The following CTSD variants were observed in gnomAD, a reference collection of about 807,000 sequenced individuals.
The protein encoded by CTSD is cathepsin D, also known as ceroid-lipofuscinosis, neuronal 10.
In CTSD, 28 loss-of-function variants were observed where a neutral mutation model predicts 43.6. The ratio of observed to expected loss-of-function variants is 0.64; its 90% CI spans 0.48 to 0.88. The LOEUF (loss-of-function observed/expected upper bound fraction) is 0.88. Among genes scored for constraint, CTSD ranks in the 40% least tolerant of loss-of-function variants. The probability of loss-of-function intolerance (pLI) is 0.00; values close to 1 mark genes in which losing one functional copy is unlikely to be tolerated. For missense variants in CTSD, 485 were observed against 555.2 expected (o/e 0.87, Z 1.27); for synonymous variants, 270 against 249.8 (o/e 1.08, Z -0.76).
chr11:1,755,403 G>T, intron 5 of CTSD: 1 of 351,980 alleles, frequency 2.8e-6, no homozygotes, highest in East Asian at 7.2e-5. Flanking sequence ...ACCAAAGAAG[G>T]CTTCCAGGAG....
At chr11:1,754,531 GGA>G (rs1845780066) in intron 6 of CTSD, among the ~76,000 whole-genome samples, 1 of 43,232 alleles carries the variant, frequency 2.3e-5, no homozygotes. Flanking sequence ...TGGAGGGGAT[GGA>G]GGGATGGAGG....
chr11:1,763,763 T>A (rs771627438), intron 1 of CTSD, 29 bp downstream of exon 1: 1 of 1,519,046 alleles, frequency 6.6e-7, no homozygotes, highest in South Asian at 1.2e-5. Context: ...CCCCTGCCCG[T>A]CCCTGAGCCC....
At chr11:1,756,393 G>A (rs1790458357) in intron 5 of CTSD, among the ~76,000 whole-genome samples, 5 of 152,340 alleles carry the variant, frequency 3.3e-5, no homozygotes, top group Admixed American at 3.3e-4. Context: ...TCACTGCCCA[G>A]GCAAGGGGCA....
In CTSD at chr11:1,759,589, T is replaced by A. The variant is rs1565022371; in HGVS notation, c.279A>T (p.Thr93=). ...IGIGTPPQCF[T]VVFDTGSSNL... ...TGGAGGAGCCCGTGTCGAAGACGAC[T>A]GTGAAGCACTGGGGGGGCGTCCCGA... Residue 93 remains threonine, a synonymous_variant, in exon 3 of 9, where the codon ACA becomes ACT. Transcript: ENST00000236671. 6.2e-7 allele frequency: 1 copy of A among 1,613,566 alleles called. No individual in the cohort carries two copies. Among genetic ancestry groups the A allele is most frequent in the Non-Finnish European group, 8.5e-7 (1 of 1,179,978 alleles).
At position 1,754,065 on chromosome 11, in the gene CTSD, T is replaced by C. The variant is rs950725235; in HGVS notation, c.901A>G (p.Met301Val). 3.7e-6 allele frequency: 6 copies of C among 1,603,916 alleles called. No individual in the cohort carries two copies. In the African/African-American group the frequency reaches 8.1e-5, roughly 22 times the overall value. The change falls in exon 7 of 9, where the codon ATG becomes GTG. Residue 301 changes from methionine to valine, a missense_variant. Coordinates refer to ENST00000236671, the MANE Select transcript of CTSD (RefSeq NM_001909.5). The part of the protein sequence containing the change: ...EAIVDTGTSL[M>V]VGPVDEVREL... ...CGCACCTCATCCACCGGGCCCACCA[T>C]GAGGGAAGTGCCTGTGTCCACAATG...
At chr11:1,756,717 T>C (rs1229573659) in intron 5 of CTSD, among the ~76,000 whole-genome samples, 1 of 151,380 alleles carries the variant, frequency 6.6e-6, no homozygotes, top group Admixed American at 6.6e-5. Flanking sequence ...CACCTGACCA[T>C]GGGTCACCCA....
rs755085691 is a variant in CTSD, at chr11:1,759,011, G to A, written c.429C>T (p.Gly143=). ...KNGTSFDIHY[G]SGSLSGYLSQ... Reference sequence around the variant, plus strand: ...TCAGGTACCCGGAGAGGCTGCCCGAGCCATAGTGGATGTCAAACGAGGTAC... The same window carrying A: ...TCAGGTACCCGGAGAGGCTGCCCGAACCATAGTGGATGTCAAACGAGGTAC... Residue 143 remains glycine (G), a synonymous_variant, in exon 4 of 9, where the codon GGC becomes GGT. Coordinates refer to ENST00000236671, the MANE Select transcript of CTSD (RefSeq NM_001909.5). 41 of 1,614,062 alleles carry A rather than the reference G, an allele frequency of 2.5e-5. No homozygotes were observed. Among genetic ancestry groups the A allele is most frequent in the Non-Finnish European group, 3.4e-5 (40 of 1,179,904 alleles).
Position 1,753,473 on chromosome 11 carries a change from T to C in CTSD, c.*30A>G. 6.2e-7 allele frequency: 1 copy of C among 1,612,736 alleles called. No individual in the cohort carries two copies. The highest frequency in any genetic ancestry group is 8.5e-7 in the Non-Finnish European group (1 of 1,179,740). On this transcript the variant is annotated 3_prime_UTR_variant, in exon 9 of 9. Coordinates refer to ENST00000236671, the MANE Select transcript of CTSD (RefSeq NM_001909.5). ...CTCCTGCTCTGGGACTCTCCTCTGT[T>C]TCTGTGCTGGCGCGCGGACGCCTTG...
intron 1 of CTSD, 103 bp downstream of exon 1, chr11:1,763,689 G>A: frequency 8.9e-7 from 1 of 1,122,722 alleles, no homozygotes. Flanking sequence ...GGGGCGCAAG[G>A]GGCTCGTGGG....
chr11:1,753,962 C>A (rs369445669), intron 7 of CTSD, 32 bp downstream of exon 7: 9 of 1,594,972 alleles, frequency 5.6e-6, no homozygotes, highest in Non-Finnish European at 7.7e-6. Flanking sequence ...CCCCTGCCAG[C>A]CCCAGCCCCA....
rs1165243731 is a variant in CTSD, at chr11:1,757,455, G to A, written c.573C>T (p.Ile191=). Residue 191 remains isoleucine, a synonymous_variant, in exon 5 of 9, where the codon ATC becomes ATT. Transcript: ENST00000236671. ...EATKQPGITF[I]AAKFDGILGM... is the part of the protein sequence containing the mutation. ...CCAGGATGCCATCGAACTTGGCTGC[G>A]ATGAAGGTGATGCCTGGCTGCTTGG... 7 of 1,613,992 alleles carry A rather than the reference G, an allele frequency of 4.3e-6. No homozygotes were observed. The highest frequency in any genetic ancestry group is 5.9e-6 in the Non-Finnish European group (7 of 1,180,022).
At position 1,754,113 on chromosome 11, in the gene CTSD, G is replaced by T; in HGVS notation, c.853C>A (p.Leu285Met). 1 of 1,610,568 alleles carries T rather than the reference G, an allele frequency of 6.2e-7. No individual in the cohort carries two copies. The change falls in exon 7 of 9, where the codon CTG becomes ATG. Residue 285 changes from leucine to methionine, a missense_variant. Transcript: ENST00000236671. The part of the protein sequence containing the change: ...DQVEVASGLT[L>M]CKEGCEAIVD... ...ATGGCCTCACAGCCCTCCTTGCACA[G>T]GGTCAGCCCGCTGGCCACCTCCACC... is the stretch of plus-strand genomic sequence containing the variant.
Sources: gnomAD v4.1 joint callset for allele counts (sites outside exome capture counted in the v4.1 genomes callset) on GRCh38, gnomAD v4.1.1 for gene constraint, MANE v1.5 for transcripts, NCBI Gene and HGNC (gene_info 2026-07-23, HGNC 2026-07-21) for gene names.